The following SRPRB variants were observed in gnomAD, a reference collection of about 807,000 sequenced individuals.
SRPRB encodes SRP receptor subunit beta, also known as signal recognition particle receptor subunit beta.
A neutral mutation model predicts 31.9 loss-of-function variants in SRPRB; 20 were observed. That is an observed-to-expected ratio of 0.63 (90% confidence interval 0.44 to 0.91). SRPRB has a LOEUF of 0.91. SRPRB is among the 40% of genes least tolerant of loss of function. The pLI, the probability that SRPRB is intolerant of heterozygous loss-of-function variation, is 0.00. For missense variants in SRPRB, 321 were observed against 324.9 expected (o/e 0.99, Z 0.09); for synonymous variants, 146 against 132.8 (o/e 1.10, Z -0.68).
At chr3:133,822,096 A>G (rs1333701010), downstream of SRPRB, among the ~76,000 whole-genome samples, 1 of 152,010 alleles carries the variant, frequency 6.6e-6, no homozygotes, top group Non-Finnish European at 1.5e-5. Context: ...GCATTTGACT[A>G]AAGTAGGCCC....
chr3:133,795,015 G>A (rs1934930872), intron 1 of SRPRB: 1 of 152,202 alleles, frequency 6.6e-6, no homozygotes. Context: ...GCAGTTTACT[G>A]TAAAGGCTAT....
chr3:133,810,964 A>G, intron 3 of SRPRB, 153 bp from the exon 4 acceptor site: 1 of 660,436 alleles, frequency 1.5e-6, no homozygotes, highest in South Asian at 2.6e-5. Context: ...ACATCCCCAG[A>G]ACGTTGACTA....
chr3:133,817,987 T>C (rs934076784), intron 6 of SRPRB, among the ~76,000 whole-genome samples: 14 of 152,250 alleles, frequency 9.2e-5, no homozygotes, highest in African/African-American at 2.4e-5. Context: ...ATTTAATTTC[T>C]GGCTCTTTGC....
rs1007991230 is a variant in SRPRB, at chr3:133,815,572, C to T, written c.411-18C>T. 4.3e-6 allele frequency: 7 copies of T among 1,611,498 alleles called. No homozygotes were observed. In the Admixed American group the frequency reaches 6.7e-5, roughly 15 times the overall value. On this transcript the variant is annotated intron_variant, in intron 4 of 6. Transcript: ENST00000678299. Reference sequence around the variant, plus strand: ...GTTACACGTTCACATGCCAGTTTTTCTTGTTTTCTCCCTCCAGGGCTATTG... The same window carrying T: ...GTTACACGTTCACATGCCAGTTTTTTTTGTTTTCTCCCTCCAGGGCTATTG...
chr3:133,807,849 T>G, intron 3 of SRPRB, 26 bp downstream of exon 3: 1 of 1,567,622 alleles, frequency 6.4e-7, no homozygotes, highest in Non-Finnish European at 8.7e-7. Flanking sequence ...AGTTTTGGAG[T>G]CTGACAGTCT....
intron 1 of SRPRB, chr3:133,794,613 C>T (rs919815027): frequency 1.3e-5 from 2 of 152,210 alleles, no homozygotes; most frequent in African/African-American, 2.4e-5. Flanking sequence ...CCTTGCCATC[C>T]ACACTACAGC....
At chr3:133,785,077 T>C in intron 1 of SRPRB, 1 of 116,604 alleles carries the variant, frequency 8.6e-6, no homozygotes. Context: ...TACTGGGAAG[T>C]GAGGAGCCCC....
chr3:133,799,199 T>C (rs914117854), intron 1 of SRPRB, among the ~76,000 whole-genome samples: 3 of 152,224 alleles, frequency 2.0e-5, no homozygotes, highest in Non-Finnish European at 4.4e-5. Context: ...ATATGTCCTT[T>C]ATTCTTGATT....
At chr3:133,819,350 A>AGGGCCCCCCCCC in intron 6 of SRPRB, among the ~76,000 whole-genome samples, 1 of 146,258 alleles carries the variant, frequency 6.8e-6, no homozygotes, top group Non-Finnish European at 1.5e-5. Context: ...GTGAGGTCTG[A>AGGGCCCCCCCCC]CCCCCCCAGC....
At chr3:133,819,350 A>AC (rs3842571) in intron 6 of SRPRB, among the ~76,000 whole-genome samples, 17,237 of 146,036 alleles carry the variant, frequency 0.12, 1,298 homozygotes, top group East Asian at 0.42. Context: ...GTGAGGTCTG[A>AC]CCCCCCCAGC....
chr3:133,804,399 G>A (rs1260236555), upstream of SRPRB, among the ~76,000 whole-genome samples: 4 of 152,070 alleles, frequency 2.6e-5, no homozygotes, highest in African/African-American at 7.2e-5. Context: ...ATGGGACTAC[G>A]CATGCCATAG....
downstream of SRPRB, chr3:133,827,900 G>A (rs1253417074): frequency 7.1e-6 from 5 of 702,784 alleles, no homozygotes; most frequent in African/African-American, 7.0e-5. Flanking sequence ...TGACTGCTGG[G>A]TGGGCTGGTT....
chr3:133,805,834 C>G lies in SRPRB; in HGVS notation c.-15C>G. The G allele has an allele frequency of 1.2e-6, 2 of 1,600,920 alleles. No homozygotes were observed. Among genetic ancestry groups the G allele is most frequent in the East Asian group, 2.2e-5 (1 of 44,810 alleles). On this transcript the variant is annotated 5_prime_UTR_variant, in exon 1 of 7. Coordinates refer to ENST00000678299, the MANE Select transcript of SRPRB (RefSeq NM_001379313.1). ...CACGTCGCTTTTGCTGTACCGGGGA[C>G]CACGCGTCTCATCCATGGCTTCCGC...
At position 133,819,813 on chromosome 3, in the gene SRPRB, G is replaced by C; in HGVS notation, c.*47G>C. The C allele has an allele frequency of 6.4e-7, 1 of 1,567,338 alleles. No homozygotes were observed. Among genetic ancestry groups the C allele is most frequent in the Non-Finnish European group, 8.7e-7 (1 of 1,147,334 alleles). ...ACCTGGATGTGTGACACACAGTTTT[G>C]GAAAAAGGTCTGTGGTAGTCTGGAG... On this transcript the variant is annotated 3_prime_UTR_variant, in exon 7 of 7. Transcript: ENST00000678299.
At chr3:133,791,275 C>G (rs976043112) in intron 1 of SRPRB, 1 of 152,128 alleles carries the variant, frequency 6.6e-6, no homozygotes, top group African/African-American at 2.4e-5. Context: ...TTTTCATAAA[C>G]AGAATTTGAG....
chr3:133,816,368 T>C (rs2107974768), intron 5 of SRPRB, among the ~76,000 whole-genome samples: 1 of 152,328 alleles, frequency 6.6e-6, no homozygotes, highest in Middle Eastern at 3.4e-3. Context: ...TGATTGAATA[T>C]AAGGAAGGGA....
intron 1 of SRPRB, among the ~76,000 whole-genome samples, chr3:133,798,201 C>T (rs1236436871): frequency 6.6e-6 from 1 of 152,150 alleles, no homozygotes; most frequent in Admixed American, 6.5e-5. Context: ...AATTGTTAAA[C>T]CACCACTGAG....
upstream of SRPRB, among the ~76,000 whole-genome samples, chr3:133,801,412 A>G (rs1483767621): frequency 6.6e-6 from 1 of 152,210 alleles, no homozygotes. Context: ...CTCATTCCTG[A>G]GAATGGGAGT....
intron 1 of SRPRB, chr3:133,795,569 A>C (rs1576376805): frequency 1.7e-5 from 2 of 114,528 alleles, no homozygotes; most frequent in African/African-American, 6.3e-5. Flanking sequence ...AAAAAAGTGG[A>C]ATTTTTTTTT....
Sources: gnomAD v4.1 joint callset for allele counts (sites outside exome capture counted in the v4.1 genomes callset) on GRCh38, gnomAD v4.1.1 for gene constraint, MANE v1.5 for transcripts, NCBI Gene and HGNC (gene_info 2026-07-23, HGNC 2026-07-21) for gene names.